BMPR1B: variants seen among roughly 807,000 people sequenced by gnomAD.
The protein encoded by BMPR1B is bone morphogenetic protein receptor type-1B.
A neutral mutation model predicts 59.1 loss-of-function variants in BMPR1B; 12 were observed. The ratio of observed to expected loss-of-function variants is 0.20; its 90% CI spans 0.13 to 0.33. BMPR1B has a LOEUF of 0.33. Among genes scored for constraint, BMPR1B ranks in the 10% least tolerant of loss-of-function variants. The probability of loss-of-function intolerance (pLI) is 1.00; values close to 1 mark genes in which losing one functional copy is unlikely to be tolerated. For synonymous variants in BMPR1B, 237 were observed against 207.3 expected (o/e 1.14, Z -1.23); for missense variants, 550 against 610.9 (o/e 0.90, Z 1.05).
intron 4 of BMPR1B, among the ~76,000 whole-genome samples, chr4:95,110,506 A>G (rs903024635): frequency 6.6e-6 from 1 of 152,110 alleles, no homozygotes; most frequent in Admixed American, 6.6e-5. Context: ...AAGGAAAGCC[A>G]GGGAAGGGGA....
intron 2 of BMPR1B, among the ~76,000 whole-genome samples, chr4:94,954,920 TTATTATA>T (rs1730084722): frequency 6.6e-6 from 1 of 152,068 alleles, no homozygotes; most frequent in African/African-American, 2.4e-5. Flanking sequence ...ACTGTTATTA[TTATTATA>T]TAAGACTTAC....
At chr4:95,101,065 G>C (rs1055895106) in intron 3 of BMPR1B, among the ~76,000 whole-genome samples, 2 of 152,040 alleles carry the variant, frequency 1.3e-5, no homozygotes, top group Non-Finnish European at 2.9e-5. Context: ...GTCACCAGTG[G>C]GCCTCATGTA....
At chr4:94,815,110 G>A (rs1723961649) in intron 1 of BMPR1B, among the ~76,000 whole-genome samples, 1 of 152,040 alleles carries the variant, frequency 6.6e-6, no homozygotes, top group East Asian at 1.9e-4. Flanking sequence ...TCGCCATGTT[G>A]GTCAGGCTGG....
intron 6 of BMPR1B, among the ~76,000 whole-genome samples, chr4:95,120,931 C>A (rs1042315612): frequency 6.6e-6 from 1 of 152,112 alleles, no homozygotes; most frequent in Admixed American, 6.6e-5. Flanking sequence ...GACTCAGCCT[C>A]CTCAGTAGCT....
chr4:94,804,588 T>TA (rs1255278318), intron 1 of BMPR1B, among the ~76,000 whole-genome samples: 2 of 124,328 alleles, frequency 1.6e-5, no homozygotes, highest in Non-Finnish European at 1.6e-5. Flanking sequence ...TTCTTTGTAA[T>TA]ACTTTTTTTT....
chr4:94,985,499 A>G (rs1343699198), intron 2 of BMPR1B, among the ~76,000 whole-genome samples: 1 of 148,390 alleles, frequency 6.7e-6, no homozygotes, highest in Non-Finnish European at 1.5e-5. Context: ...CAGAGAAACC[A>G]AAATAAGAGC....
chr4:94,847,297 A>G (rs1305294833), intron 1 of BMPR1B, among the ~76,000 whole-genome samples: 1 of 152,192 alleles, frequency 6.6e-6, no homozygotes, highest in Non-Finnish European at 1.5e-5. Flanking sequence ...AATGCTGTTG[A>G]GGATGTAGAG....
Position 94,879,939 on chromosome 4 carries a change from T to TGAATTTAATTTTG in BMPR1B, c.-113+4049_-113+4050insTTGGAATTTAATT, listed in dbSNP as rs1290358512. ...TCGTTTGGAATTCCTAGACTAAATT[T>TGAATTTAATTTTG]GAATTTAATTAGTTATAGATTTGTT... On this transcript the variant is annotated intron_variant, in intron 2 of 12. Transcript: ENST00000515059. 2.0e-5 allele frequency among the ~76,000 whole-genome samples: 3 copies of TGAATTTAATTTTG among 152,210 alleles called. No homozygotes were observed. In the East Asian group the frequency reaches 5.8e-4, roughly 29 times the overall value.
intron 3 of BMPR1B, among the ~76,000 whole-genome samples, chr4:95,009,029 T>A (rs1723041794): frequency 6.6e-6 from 1 of 152,028 alleles, no homozygotes; most frequent in African/African-American, 2.4e-5. Context: ...CACTGTAGCC[T>A]AATTGACAGA....
chr4:94,887,015 G>T (rs897105076), intron 2 of BMPR1B, among the ~76,000 whole-genome samples: 3 of 152,092 alleles, frequency 2.0e-5, no homozygotes, highest in African/African-American at 7.2e-5. Context: ...TCCTCCAATT[G>T]CATTGCTTTT....
rs148550671 is a variant in BMPR1B at position 95,148,770 on chromosome 4, C to T, written c.1099C>T (p.Pro367Ser). 1.9e-6 allele frequency: 3 copies of T among 1,613,898 alleles called. No individual in the cohort carries two copies. Among genetic ancestry groups the T allele is most frequent in the Non-Finnish European group, 2.5e-6 (3 of 1,179,898 alleles). ...TAGTGATACAAATGAAGTTGACATA[C>T]CACCTAACACTCGAGTTGGCACCAA... ...FISDTNEVDI[P>S]PNTRVGTKRY... Residue 367 changes from proline to serine, a missense_variant, in exon 11 of 13, where the codon CCA (proline) becomes TCA (serine). Pro to Ser is a moderately conservative substitution (Grantham distance 74). Coordinates refer to ENST00000515059, the MANE Select transcript of BMPR1B (RefSeq NM_001203.3).
intron 1 of BMPR1B, among the ~76,000 whole-genome samples, chr4:94,794,377 T>C (rs1024910866): frequency 1.3e-4 from 20 of 151,546 alleles, no homozygotes; most frequent in Non-Finnish European, 4.4e-5. Flanking sequence ...CATTGATCTA[T>C]ATCTCTGTTT....
intron 3 of BMPR1B, among the ~76,000 whole-genome samples, chr4:95,088,736 A>G (rs1307360735): frequency 2.0e-5 from 3 of 152,082 alleles, no homozygotes; most frequent in Admixed American, 1.3e-4. Flanking sequence ...ATCATTTATC[A>G]TAAATCGGGC....
intron 2 of BMPR1B, among the ~76,000 whole-genome samples, chr4:94,937,443 T>G (rs1429351146): frequency 6.6e-6 from 1 of 152,182 alleles, no homozygotes; most frequent in Non-Finnish European, 1.5e-5. Context: ...GTTTTTCTCT[T>G]AATCCTCATC....
At chr4:95,125,557 A>G (rs1232145807) in intron 8 of BMPR1B, among the ~76,000 whole-genome samples, 1 of 152,182 alleles carries the variant, frequency 6.6e-6, no homozygotes, top group South Asian at 2.1e-4. Flanking sequence ...TTTTCCATTC[A>G]GGAGAAGCTT....
chr4:94,926,294 A>G (rs1249868099), intron 2 of BMPR1B, among the ~76,000 whole-genome samples: 1 of 151,874 alleles, frequency 6.6e-6, no homozygotes. Context: ...AGGTTTCGCA[A>G]ATTTTGTATC....
intron 3 of BMPR1B, among the ~76,000 whole-genome samples, chr4:95,025,606 G>T (rs1023628909): frequency 6.6e-6 from 1 of 152,186 alleles, no homozygotes; most frequent in Non-Finnish European, 1.5e-5. Context: ...TAGTCTTCTT[G>T]ATCTGGTTAT....
intron 1 of BMPR1B, among the ~76,000 whole-genome samples, chr4:94,865,196 A>T (rs1470219892): frequency 6.6e-6 from 1 of 151,658 alleles, no homozygotes; most frequent in Non-Finnish European, 1.5e-5. Context: ...TTCAGTAGAG[A>T]TGGAGTTACA....
chr4:94,882,292 A>T (rs1578757236), intron 2 of BMPR1B, among the ~76,000 whole-genome samples: 1 of 152,248 alleles, frequency 6.6e-6, no homozygotes, highest in Non-Finnish European at 1.5e-5. Context: ...GGATGCAAGA[A>T]CAATTCTTTC....
Sources: allele counts gnomAD v4.1 joint callset (sites outside exome capture counted in the v4.1 genomes callset), GRCh38; gene constraint gnomAD v4.1.1; transcripts MANE v1.5; gene names NCBI Gene and HGNC (gene_info 2026-07-23, HGNC 2026-07-21).